RIMBP2: variants seen among roughly 807,000 people sequenced by gnomAD.
The protein encoded by RIMBP2 is RIMS binding protein 2.
Under a neutral mutation model 118.6 loss-of-function variants are expected in RIMBP2, and 48 were observed. That is an observed-to-expected ratio of 0.40 (90% CI 0.32 to 0.51). RIMBP2 has a LOEUF of 0.51. Among genes scored for constraint, RIMBP2 ranks in the 20% least tolerant of loss-of-function variants. The pLI is 0.41. For missense variants in RIMBP2, 1,551 were observed against 1,768.3 expected (o/e 0.88, Z 2.20); for synonymous variants, 762 against 742.9 (o/e 1.03, Z -0.42).
intron 1 of RIMBP2, among the ~76,000 whole-genome samples, chr12:130,671,160 A>G (rs1196860078): frequency 6.6e-6 from 1 of 152,120 alleles, no homozygotes; most frequent in Non-Finnish European, 1.5e-5. Context: ...GCCTGGAGCT[A>G]CAGCAACCAT....
At chr12:130,616,747 G>A (rs553128242) in intron 2 of RIMBP2, among the ~76,000 whole-genome samples, 11 of 152,292 alleles carry the variant, frequency 7.2e-5, no homozygotes, top group Non-Finnish European at 1.3e-4. Flanking sequence ...ACAGTGCTCT[G>A]GAGTCTCTCC....
intron 13 of RIMBP2, among the ~76,000 whole-genome samples, chr12:130,435,569 C>T (rs2077454266): frequency 6.6e-6 from 1 of 152,178 alleles, no homozygotes; most frequent in Non-Finnish European, 1.5e-5. Context: ...CAGCTGCTAC[C>T]CCGTCCTGCC....
At chr12:130,435,994 AGACCCCACAGGCT>A (rs1438799483) in intron 13 of RIMBP2, among the ~76,000 whole-genome samples, 1 of 152,166 alleles carries the variant, frequency 6.6e-6, no homozygotes, top group African/African-American at 2.4e-5. Flanking sequence ...GGTCCCGGTG[AGACCCCACAGGCT>A]GACCCAGCAG....
At chr12:130,483,985 C>T (rs973504760) in intron 4 of RIMBP2, among the ~76,000 whole-genome samples, 3 of 152,122 alleles carry the variant, frequency 2.0e-5, no homozygotes, top group Admixed American at 6.5e-5. Flanking sequence ...AGGGCTTCCG[C>T]GGCTCCTGGA....
At position 130,664,415 on chromosome 12, in the gene RIMBP2, A is replaced by ACGCACGCACACACGCACACGCACGCACG. The variant is rs1195044326; in HGVS notation, c.-351-35960_-351-35959insCGTGCGTGCGTGTGCGTGTGTGCGTGCG. 6.4e-3 allele frequency among the ~76,000 whole-genome samples: 840 copies of ACGCACGCACACACGCACACGCACGCACG among 130,514 alleles called. 20 individuals carry two copies. The highest frequency in any genetic ancestry group is 0.012 in the African/African-American group (448 of 35,964). 85.6% of individuals were successfully genotyped at this position (130,514 alleles called of 152,430 possible). ...CACACACACGCACGCACGCACGCACACACACGCACACACATGCATGCACGC... is the reference window on the plus strand; with the variant it reads ...CACACACACGCACGCACGCACGCACACGCACGCACACACGCACACGCACGCACGCACACGCACACACATGCATGCACGC... On this transcript the variant is annotated intron_variant, in intron 1 of 22. Coordinates refer to ENST00000690449, the MANE Select transcript of RIMBP2 (RefSeq NM_001393629.1).
intron 1 of RIMBP2, among the ~76,000 whole-genome samples, chr12:130,641,046 T>C (rs1354778372): frequency 6.6e-6 from 1 of 152,178 alleles, no homozygotes; most frequent in East Asian, 1.9e-4. Flanking sequence ...GCTGTTTCTG[T>C]GGTTGGGCAG....
intron 1 of RIMBP2, among the ~76,000 whole-genome samples, chr12:130,694,614 C>A (rs868525863): frequency 6.6e-6 from 1 of 152,212 alleles, no homozygotes; most frequent in Non-Finnish European, 1.5e-5. Context: ...ACGGCCCTCC[C>A]GTAGAGAATT....
At chr12:130,461,063 T>A (rs556180840) in intron 6 of RIMBP2, among the ~76,000 whole-genome samples, 2 of 152,174 alleles carry the variant, frequency 1.3e-5, no homozygotes, top group South Asian at 4.1e-4. Context: ...AAGGGACCCA[T>A]CCGCACGACC....
chr12:130,520,549 G>A (rs531886221), intron 2 of RIMBP2, among the ~76,000 whole-genome samples: 11 of 151,968 alleles, frequency 7.2e-5, no homozygotes, highest in African/African-American at 2.4e-4. Flanking sequence ...GTGGGCACCT[G>A]TAATCCCAGC....
chr12:130,453,234 A>T (rs751694163), intron 7 of RIMBP2, among the ~76,000 whole-genome samples: 11 of 152,208 alleles, frequency 7.2e-5, no homozygotes, highest in Non-Finnish European at 1.6e-4. Flanking sequence ...CTGCCCTCAC[A>T]TACTGACTGC....
At chr12:130,656,214 T>G (rs2129660) in intron 1 of RIMBP2, among the ~76,000 whole-genome samples, 7,555 of 152,108 alleles carry the variant, frequency 0.05, 341 homozygotes, top group African/African-American at 0.12. Context: ...TTAAAGGGGT[T>G]GGGGGACCCG....
chr12:130,634,734 A>G (rs371718166), intron 1 of RIMBP2, among the ~76,000 whole-genome samples: 3 of 152,088 alleles, frequency 2.0e-5, no homozygotes, highest in African/African-American at 7.2e-5. Flanking sequence ...TGAGGCTACC[A>G]GTGCTTACCA....
chr12:130,414,551 G>A (rs4759676), intron 17 of RIMBP2: 220,508 of 351,966 alleles, frequency 0.63, 69,491 homozygotes, highest in Admixed American at 0.73. Context: ...ACAGGGCTGG[G>A]CCTCGGGGGC....
rs530084403 is a variant in RIMBP2, at chr12:130,662,782, C to T, written c.-351-34326G>A. Among the ~76,000 whole-genome samples, 9 of 152,144 alleles carry T rather than the reference C, an allele frequency of 5.9e-5. No homozygotes were observed. The East Asian group carries it at 1.5e-3, about 26-fold the overall frequency. On this transcript the variant is annotated intron_variant, in intron 1 of 22. Coordinates refer to ENST00000690449, the MANE Select transcript of RIMBP2 (RefSeq NM_001393629.1). Reference sequence around the variant, plus strand: ...ACCAGCCTGGGCAACATAGCAAGACCCCATCTCTACCCCACAAAGAAAAAA... The same window carrying T: ...ACCAGCCTGGGCAACATAGCAAGACTCCATCTCTACCCCACAAAGAAAAAA...
intron 2 of RIMBP2, among the ~76,000 whole-genome samples, chr12:130,541,320 C>CCCT (rs1387220925): frequency 6.6e-6 from 1 of 152,188 alleles, no homozygotes; most frequent in African/African-American, 2.4e-5. Flanking sequence ...ACAGAGGGAT[C>CCCT]CCTCTAGGAT....
rs1004635348 is a variant in RIMBP2 at position 130,475,298 on chromosome 12, G to A, written c.102+3614C>T. ...ACAGGTGGAGCTGCCTGGGAGAAAG[G>A]TGCCTCTGGACAAGGTGCTGGGATG... On this transcript the variant is annotated intron_variant, in intron 5 of 22. Transcript: ENST00000690449. This position sits in a 1 kb window ranked among gnomAD's most constrained non-coding sequence, Gnocchi z 4.1. Among the ~76,000 whole-genome samples, 4 of 152,338 alleles carry A rather than the reference G, an allele frequency of 2.6e-5. No homozygotes were observed. Among genetic ancestry groups the A allele is most frequent in the Non-Finnish European group, 5.9e-5 (4 of 68,036 alleles).
intron 6 of RIMBP2, chr12:130,465,465 CTT>C (rs1189481709): frequency 6.6e-6 from 1 of 152,546 alleles, no homozygotes; most frequent in African/African-American, 2.4e-5. Flanking sequence ...ATCCTCATCT[CTT>C]AGCCCAGCCA....
chr12:130,596,624 T>G (rs1218860166), intron 2 of RIMBP2, among the ~76,000 whole-genome samples: 1 of 152,212 alleles, frequency 6.6e-6, no homozygotes, highest in Non-Finnish European at 1.5e-5. Flanking sequence ...CTGTCTCTTC[T>G]GCCGTAGTCA....
At chr12:130,402,347 C>CT (rs1236441646) in intron 21 of RIMBP2, among the ~76,000 whole-genome samples, 1 of 152,070 alleles carries the variant, frequency 6.6e-6, no homozygotes, top group Admixed American at 6.5e-5. Flanking sequence ...GAATCGAAGG[C>CT]TCCCCCAGAC....
Sources: gnomAD v4.1 joint callset for allele counts (sites outside exome capture counted in the v4.1 genomes callset) on GRCh38, gnomAD v4.1.1 for gene constraint, Gnocchi (gnomAD v3.1) non-coding constraint, MANE v1.5 for transcripts, NCBI Gene and HGNC (gene_info 2026-07-23, HGNC 2026-07-21) for gene names.